Variants in OR3A2 observed in about 807,000 individuals in gnomAD.
The protein encoded by OR3A2 is olfactory receptor family 3 subfamily A member 2.
For synonymous variants in OR3A2, 126 were observed against 159.3 expected (o/e 0.79, Z 1.57); for missense variants, 318 against 392.8 (o/e 0.81, Z 1.61).
chr17:3,324,218 T>C (rs901328241), intron 3 of OR3A2, among the ~76,000 whole-genome samples: 2 of 152,134 alleles, frequency 1.3e-5, no homozygotes, highest in East Asian at 1.9e-4. Context: ...TCAGGTCTTT[T>C]AAGGACTTCT....
At chr17:3,348,904 A>C (rs1467143597) in intron 2 of OR3A2, among the ~76,000 whole-genome samples, 2 of 152,112 alleles carry the variant, frequency 1.3e-5, no homozygotes, top group East Asian at 1.9e-4. Context: ...AGAATTTTCA[A>C]CCCAGAATTT....
chr17:3,340,976 T>A (rs1221208220), intron 2 of OR3A2, among the ~76,000 whole-genome samples: 1 of 152,190 alleles, frequency 6.6e-6, no homozygotes, highest in Non-Finnish European at 1.5e-5. Context: ...ATATTTAGGA[T>A]AGTTAGCTCT....
At chr17:3,340,171 G>A (rs137925538) in intron 2 of OR3A2, among the ~76,000 whole-genome samples, 3,299 of 151,348 alleles carry the variant, frequency 0.022, 124 homozygotes, top group African/African-American at 0.077. Flanking sequence ...CTTCTTATTA[G>A]TCTTGCTAGC....
chr17:3,375,948 A>G (rs1303304483), intron 2 of OR3A2, among the ~76,000 whole-genome samples: 1 of 152,098 alleles, frequency 6.6e-6, no homozygotes. Context: ...CTGTGATGTG[A>G]TCTGTCTTCA....
At chr17:3,348,721 A>G (rs575667797) in intron 2 of OR3A2, among the ~76,000 whole-genome samples, 213 of 152,192 alleles carry the variant, frequency 1.4e-3, no homozygotes, top group African/African-American at 4.9e-3. Flanking sequence ...TCCAAAATAC[A>G]TAATTGTCAG....
chr17:3,306,393 C>T (rs562533526), intron 3 of OR3A2, among the ~76,000 whole-genome samples: 1 of 152,146 alleles, frequency 6.6e-6, no homozygotes, highest in East Asian at 1.9e-4. Flanking sequence ...TCCCCCCACT[C>T]CAGCCTCCCA....
chr17:3,310,266 G>A (rs373323526), intron 3 of OR3A2: 9 of 495,848 alleles, frequency 1.8e-5, no homozygotes, highest in African/African-American at 7.8e-5. Context: ...TGCCACCACC[G>A]GCCCCATCTA....
At chr17:3,371,268 G>T (rs769615003) in intron 2 of OR3A2, among the ~76,000 whole-genome samples, 1 of 150,556 alleles carries the variant, frequency 6.6e-6, no homozygotes, top group East Asian at 2.0e-4. Flanking sequence ...CCTCCCTCCC[G>T]GACGGGGCGG....
chr17:3,335,745 A>G (rs1473803205), intron 3 of OR3A2, among the ~76,000 whole-genome samples: 64 of 152,196 alleles, frequency 4.2e-4, no homozygotes, highest in Admixed American at 4.1e-3. Flanking sequence ...TTATAGATGA[A>G]GAAAGCCCCA....
At chr17:3,307,232 G>A (rs2049006656) in intron 3 of OR3A2, among the ~76,000 whole-genome samples, 1 of 152,368 alleles carries the variant, frequency 6.6e-6, no homozygotes, top group African/African-American at 2.4e-5. Context: ...TCTTCAAGGA[G>A]GAAGTTCCCT....
intron 3 of OR3A2, among the ~76,000 whole-genome samples, chr17:3,329,559 C>G (rs1361767262): frequency 8.3e-6 from 1 of 120,380 alleles, no homozygotes; most frequent in Admixed American, 9.3e-5. Context: ...GTGGTGATAT[C>G]CCCTTTATCA....
chr17:3,325,790 AACTTTC>A (rs2049166363), intron 3 of OR3A2, among the ~76,000 whole-genome samples: 1 of 152,098 alleles, frequency 6.6e-6, no homozygotes, highest in Non-Finnish European at 1.5e-5. Flanking sequence ...TTCTCTCTTC[AACTTTC>A]ACTTTAAGTT....
At chr17:3,370,790 T>C (rs912220610) in intron 2 of OR3A2, among the ~76,000 whole-genome samples, 2 of 151,100 alleles carry the variant, frequency 1.3e-5, no homozygotes, top group Admixed American at 1.3e-4. Flanking sequence ...GCAGTGTTTG[T>C]GTCCCTGGGT....
At chr17:3,283,178 A>G (rs1183135867) in intron 1 of OR3A2, among the ~76,000 whole-genome samples, 1 of 152,212 alleles carries the variant, frequency 6.6e-6, no homozygotes, top group Non-Finnish European at 1.5e-5. Flanking sequence ...TTCATTTTCA[A>G]TAGCAATAAT....
chr17:3,337,990 CA>C (rs1597348071), intron 2 of OR3A2, among the ~76,000 whole-genome samples: 2 of 152,276 alleles, frequency 1.3e-5, no homozygotes, highest in East Asian at 3.9e-4. Flanking sequence ...GATGGTATCT[CA>C]TTGTGGTTTT....
At chr17:3,282,407 C>CA (rs139677371) in intron 1 of OR3A2, among the ~76,000 whole-genome samples, 27,435 of 151,604 alleles carry the variant, frequency 0.18, 3,095 homozygotes, top group African/African-American at 0.3. Context: ...GATTCTGTCT[C>CA]AAAAAAAAGA....
At chr17:3,327,456 G>T (rs1332813156) in intron 3 of OR3A2, among the ~76,000 whole-genome samples, 1 of 127,728 alleles carries the variant, frequency 7.8e-6, no homozygotes, top group Admixed American at 8.5e-5. Flanking sequence ...CTGGATATTA[G>T]CCCTTTGTCA....
At chr17:3,383,467 G>A (rs920286401) in intron 2 of OR3A2, among the ~76,000 whole-genome samples, 18 of 152,162 alleles carry the variant, frequency 1.2e-4, no homozygotes. Flanking sequence ...CATTATAGAT[G>A]AAGAGACTGA....
chr17:3,307,222 T>C (rs2049006618), intron 3 of OR3A2, among the ~76,000 whole-genome samples: 2 of 152,092 alleles, frequency 1.3e-5, no homozygotes. Context: ...CTGCAATGAG[T>C]CTTCAAGGAG....
Sources: allele counts gnomAD v4.1 joint callset (sites outside exome capture counted in the v4.1 genomes callset), GRCh38; gene constraint gnomAD v4.1.1; transcripts MANE v1.5; gene names NCBI Gene and HGNC (gene_info 2026-07-23, HGNC 2026-07-21).